RASGRF2: variants seen among roughly 807,000 people sequenced by gnomAD.
RASGRF2 encodes Ras protein specific guanine nucleotide releasing factor 2.
In RASGRF2, 76 loss-of-function variants were observed where a neutral mutation model predicts 151.0. The ratio of observed to expected loss-of-function variants is 0.50; its 90% CI spans 0.42 to 0.61. The LOEUF (loss-of-function observed/expected upper bound fraction) is 0.61. Ranked by LOEUF, RASGRF2 falls within the 20% of genes least tolerant of loss-of-function variation. The probability of loss-of-function intolerance (pLI) is 0.00; values close to 1 mark genes in which losing one functional copy is unlikely to be tolerated. For missense variants in RASGRF2, 1,148 were observed against 1,564.6 expected, an observed-to-expected ratio of 0.73 and a Z score of 4.49; for synonymous variants, 504 against 566.5, an observed-to-expected ratio of 0.89 and a Z score of 1.57.
chr5:81,000,615 T>C (rs938400756), intron 1 of RASGRF2, among the ~76,000 whole-genome samples: 1 of 152,184 alleles, frequency 6.6e-6, no homozygotes, highest in Non-Finnish European at 1.5e-5. Flanking sequence ...TAATTTATGT[T>C]TTTTTTTCCT....
intron 17 of RASGRF2, among the ~76,000 whole-genome samples, chr5:81,150,580 T>A (rs1754110255): frequency 6.6e-6 from 1 of 152,112 alleles, no homozygotes; most frequent in Non-Finnish European, 1.5e-5. Context: ...CATCATCCAT[T>A]TATTCTTTGG....
chr5:81,092,500 T>A (rs113457819), intron 9 of RASGRF2, among the ~76,000 whole-genome samples: 5 of 152,230 alleles, frequency 3.3e-5, no homozygotes, highest in Non-Finnish European at 7.3e-5. Flanking sequence ...TAAGGACAGA[T>A]GGCAGAAGTG....
intron 17 of RASGRF2, among the ~76,000 whole-genome samples, chr5:81,157,522 T>C (rs1276620094): frequency 6.6e-6 from 1 of 152,124 alleles, no homozygotes; most frequent in Non-Finnish European, 1.5e-5. Context: ...CAAAACTGAT[T>C]CATAGATTCA....
In RASGRF2 at chr5:81,086,898, G is replaced by T. The variant is rs1443237216; in HGVS notation, c.1335G>T (p.Met445Ile). ...NIRKNLAIER[M>I]IVEGCDILLD... ...GGAAAAACCTTGCCATCGAAAGAAT[G>T]ATCGTGGAGGGCTGTGACATCTTGC... Residue 445 changes from methionine to isoleucine, a missense_variant, in exon 9 of 27, where the codon ATG (methionine) becomes ATT (isoleucine). Met to Ile is a conservative substitution (Grantham distance 10). Transcript: ENST00000265080. The T allele has an allele frequency of 6.2e-7, 1 of 1,614,240 alleles. No individual in the cohort carries two copies. Among genetic ancestry groups the T allele is most frequent in the Non-Finnish European group, 8.5e-7 (1 of 1,180,034 alleles).
intron 1 of RASGRF2, among the ~76,000 whole-genome samples, chr5:81,036,793 G>T (rs759643899): frequency 6.6e-6 from 1 of 152,012 alleles, no homozygotes; most frequent in Admixed American, 6.6e-5. Context: ...ACATTCCTGT[G>T]TTGGAACCAT....
chr5:81,207,312 C>G lies in RASGRF2; in HGVS notation c.3034C>G (p.Leu1012Val), dbSNP rs544317986. The G allele has an allele frequency of 1.9e-6, 3 of 1,614,168 alleles. No individual in the cohort carries two copies. The East Asian group carries it at 6.7e-5, about 36-fold the overall frequency. Residue 1012 changes from leucine (L) to valine (V), a missense_variant, in exon 21 of 27, where the codon CTC becomes GTC. Transcript: ENST00000265080. ...SAMELAEQIT[L>V]LDHVIFRSIP... ...CATGGAGCTGGCAGAACAGATCACC[C>G]TCCTGGACCATGTCATTTTCAGAAG...
At chr5:81,136,992 A>G (rs1266359286) in intron 17 of RASGRF2, among the ~76,000 whole-genome samples, 1 of 151,916 alleles carries the variant, frequency 6.6e-6, no homozygotes, top group Non-Finnish European at 1.5e-5. Flanking sequence ...TGTTTACATT[A>G]CCCATCTGAA....
chr5:81,005,313 G>A (rs1464189715), intron 1 of RASGRF2, among the ~76,000 whole-genome samples: 3 of 152,106 alleles, frequency 2.0e-5, no homozygotes, highest in Non-Finnish European at 4.4e-5. Flanking sequence ...TCTTCATGCT[G>A]GCAGGAAGAA....
intron 21 of RASGRF2, 37 bp downstream of exon 21, chr5:81,207,386 C>T (rs1755532808): frequency 6.5e-7 from 1 of 1,546,746 alleles, no homozygotes; most frequent in Non-Finnish European, 8.9e-7. Context: ...GGCTCGGCTG[C>T]TCTAGCTGTC....
Position 81,056,290 on chromosome 5 carries a change from C to G in RASGRF2, c.396-11742C>G, listed in dbSNP as rs1419065381. 3.9e-5 allele frequency among the ~76,000 whole-genome samples: 6 copies of G among 152,306 alleles called. No individual in the cohort carries two copies. In the East Asian group the frequency reaches 7.7e-4, roughly 20 times the overall value. On this transcript the variant is annotated intron_variant, in intron 2 of 26. Transcript: ENST00000265080. ...AGTGCTATAAATTTCCCTCTACACA[C>G]TGCTTTAAATGTGTCCGAGAGATTC...
intron 4 of RASGRF2, among the ~76,000 whole-genome samples, chr5:81,071,545 A>G (rs1484904830): frequency 6.6e-6 from 1 of 151,978 alleles, no homozygotes; most frequent in Non-Finnish European, 1.5e-5. Flanking sequence ...TACAACTTTA[A>G]ATATTGCTCA....
At chr5:81,152,291 T>C (rs920079065) in intron 17 of RASGRF2, among the ~76,000 whole-genome samples, 1 of 152,210 alleles carries the variant, frequency 6.6e-6, no homozygotes, top group Non-Finnish European at 1.5e-5. Flanking sequence ...CATGAACCAC[T>C]GCACCTGGCC....
At chr5:81,161,159 C>T (rs1257471758) in intron 17 of RASGRF2, among the ~76,000 whole-genome samples, 5 of 152,112 alleles carry the variant, frequency 3.3e-5, no homozygotes, top group Non-Finnish European at 5.9e-5. Flanking sequence ...CTGTGATCAC[C>T]GGATTCACAC....
At chr5:81,053,688 G>A (rs1751098197) in intron 2 of RASGRF2, among the ~76,000 whole-genome samples, 1 of 152,194 alleles carries the variant, frequency 6.6e-6, no homozygotes, top group South Asian at 2.1e-4. Flanking sequence ...CTAGATCCCT[G>A]AGGAATCGCC....
At chr5:81,141,750 G>A (rs1753890635) in intron 17 of RASGRF2, among the ~76,000 whole-genome samples, 1 of 152,180 alleles carries the variant, frequency 6.6e-6, no homozygotes, top group Admixed American at 6.5e-5. Flanking sequence ...CCAGAGAGAT[G>A]AGCCTGGGGG....
At chr5:81,019,447 T>C (rs1333877371) in intron 1 of RASGRF2, 1 of 152,176 alleles carries the variant, frequency 6.6e-6, no homozygotes, top group Non-Finnish European at 1.5e-5. Flanking sequence ...ATCTGACTTG[T>C]GAGGTTAGGG....
chr5:81,143,875 G>A (rs1314692714), intron 17 of RASGRF2, among the ~76,000 whole-genome samples: 2 of 145,422 alleles, frequency 1.4e-5, no homozygotes, highest in Non-Finnish European at 3.0e-5. Flanking sequence ...GGGCGACAGA[G>A]TGAAAATGTC....
At chr5:80,990,652 G>A (rs140097759) in intron 1 of RASGRF2, among the ~76,000 whole-genome samples, 39 of 152,302 alleles carry the variant, frequency 2.6e-4, no homozygotes, top group African/African-American at 8.7e-4. Context: ...CCTGTTTGGT[G>A]TTGTCCTTTT....
intron 18 of RASGRF2, among the ~76,000 whole-genome samples, chr5:81,186,894 G>C (rs956327957): frequency 1.3e-5 from 2 of 152,206 alleles, no homozygotes; most frequent in African/African-American, 4.8e-5. Context: ...GGCTGTGTCT[G>C]AGCAAACTAT....
Sources: gnomAD v4.1 joint callset for allele counts (sites outside exome capture counted in the v4.1 genomes callset) on GRCh38, gnomAD v4.1.1 for gene constraint, MANE v1.5 for transcripts, NCBI Gene and HGNC (gene_info 2026-07-23, HGNC 2026-07-21) for gene names.